ITGBL1: variants seen among roughly 807,000 people sequenced by gnomAD.
The protein encoded by ITGBL1 is integrin subunit beta like 1.
A neutral mutation model predicts 68.5 loss-of-function variants in ITGBL1; 51 were observed. The ratio of observed to expected loss-of-function variants is 0.74; its 90% CI spans 0.59 to 0.94. ITGBL1 has a LOEUF of 0.94. Ranked by LOEUF, ITGBL1 falls within the 40% of genes least tolerant of loss-of-function variation. The pLI, the probability that ITGBL1 is intolerant of heterozygous loss-of-function variation, is 0.00. For missense variants in ITGBL1, 649 were observed against 647.4 expected, an observed-to-expected ratio of 1.00 and a Z score of -0.03; for synonymous variants, 209 against 227.3, an observed-to-expected ratio of 0.92 and a Z score of 0.72.
intron 2 of ITGBL1, among the ~76,000 whole-genome samples, chr13:101,510,342 A>G (rs567277277): frequency 1.3e-5 from 2 of 152,182 alleles, no homozygotes; most frequent in African/African-American, 4.8e-5. Flanking sequence ...ACATGATTTC[A>G]TTCTTTTTTA....
intron 3 of ITGBL1, among the ~76,000 whole-genome samples, chr13:101,570,559 A>G (rs985307603): frequency 3.3e-5 from 5 of 152,136 alleles, no homozygotes; most frequent in Non-Finnish European, 1.5e-5. Flanking sequence ...AGCATAATAC[A>G]ATTTTTATTT....
At chr13:101,649,059 C>T (rs1274335360) in intron 7 of ITGBL1, among the ~76,000 whole-genome samples, 1 of 152,068 alleles carries the variant, frequency 6.6e-6, no homozygotes, top group Non-Finnish European at 1.5e-5. Context: ...ATGATTAACA[C>T]ACTTTTATTC....
At chr13:101,536,404 A>G (rs1461969075) in intron 2 of ITGBL1, among the ~76,000 whole-genome samples, 1 of 152,210 alleles carries the variant, frequency 6.6e-6, no homozygotes, top group Non-Finnish European at 1.5e-5. Context: ...CTAAACATAT[A>G]TAATTGTAAA....
intron 7 of ITGBL1, among the ~76,000 whole-genome samples, chr13:101,671,479 C>T (rs2033371365): frequency 8.2e-6 from 1 of 121,672 alleles, no homozygotes; most frequent in African/African-American, 2.9e-5. Flanking sequence ...CGCTCTGTCG[C>T]CCGGGCTGGA....
intron 7 of ITGBL1, among the ~76,000 whole-genome samples, chr13:101,605,081 T>G (rs538437502): frequency 3.5e-4 from 51 of 146,082 alleles, no homozygotes; most frequent in African/African-American, 1.2e-3. Context: ...TATACATATA[T>G]GCGTATATGT....
At chr13:101,518,802 C>T (rs765787277) in intron 2 of ITGBL1, among the ~76,000 whole-genome samples, 15 of 152,070 alleles carry the variant, frequency 9.9e-5, no homozygotes, top group Non-Finnish European at 1.6e-4. Flanking sequence ...CATATTAGTA[C>T]ATTGTAAACA....
intron 7 of ITGBL1, among the ~76,000 whole-genome samples, chr13:101,634,651 A>G (rs755942579): frequency 1.3e-5 from 2 of 152,148 alleles, no homozygotes; most frequent in East Asian, 1.9e-4. Flanking sequence ...GGACCTACTC[A>G]GCTAAGAGTG....
chr13:101,467,824 C>A (rs555800523), intron 2 of ITGBL1, among the ~76,000 whole-genome samples: 4 of 152,212 alleles, frequency 2.6e-5, no homozygotes, highest in South Asian at 2.1e-4. Context: ...CCTACCCACT[C>A]TAGTTTCCTG....
At chr13:101,705,934 G>C (rs1594996695) in intron 8 of ITGBL1, among the ~76,000 whole-genome samples, 1 of 152,262 alleles carries the variant, frequency 6.6e-6, no homozygotes, top group East Asian at 1.9e-4. Context: ...GCAAATAGTT[G>C]ATTCAGAGAG....
chr13:101,681,470 C>G (rs2033639459), intron 7 of ITGBL1, among the ~76,000 whole-genome samples: 1 of 152,108 alleles, frequency 6.6e-6, no homozygotes, highest in Admixed American at 6.6e-5. Context: ...GTACTTGGTC[C>G]TGAATAAATA....
intron 7 of ITGBL1, among the ~76,000 whole-genome samples, chr13:101,660,573 G>T (rs985646544): frequency 4.6e-5 from 7 of 152,142 alleles, no homozygotes; most frequent in Non-Finnish European, 7.3e-5. Flanking sequence ...GCAGAATTCA[G>T]GTCCCTCTCA....
chr13:101,604,188 T>C (rs1459709047), intron 7 of ITGBL1, among the ~76,000 whole-genome samples: 2 of 151,908 alleles, frequency 1.3e-5, no homozygotes, highest in Admixed American at 1.3e-4. Context: ...GGTTTTTCAT[T>C]TGTCTCTAAA....
At chr13:101,666,388 A>G (rs1392275872) in intron 7 of ITGBL1, among the ~76,000 whole-genome samples, 3 of 152,170 alleles carry the variant, frequency 2.0e-5, no homozygotes, top group Non-Finnish European at 4.4e-5. Context: ...CAAGTAGAAG[A>G]TATTGCATCC....
At chr13:101,625,369 C>T (rs1355176359) in intron 7 of ITGBL1, among the ~76,000 whole-genome samples, 2 of 152,174 alleles carry the variant, frequency 1.3e-5, no homozygotes, top group African/African-American at 2.4e-5. Context: ...TATGTCTTTG[C>T]TTTGCCAATG....
intron 2 of ITGBL1, among the ~76,000 whole-genome samples, chr13:101,498,537 T>C (rs2048891562): frequency 6.6e-6 from 1 of 152,206 alleles, no homozygotes; most frequent in Non-Finnish European, 1.5e-5. Flanking sequence ...GTAGGGTTAA[T>C]TTAGAATTCA....
chr13:101,543,057 A>C (rs1233268735), intron 2 of ITGBL1, among the ~76,000 whole-genome samples: 2 of 152,140 alleles, frequency 1.3e-5, no homozygotes, highest in Non-Finnish European at 2.9e-5. Context: ...GCCTATTTAC[A>C]TTTAAGGTTA....
chr13:101,573,577 C>G (rs1164029220), intron 3 of ITGBL1, among the ~76,000 whole-genome samples: 1 of 152,096 alleles, frequency 6.6e-6, no homozygotes, highest in Non-Finnish European at 1.5e-5. Flanking sequence ...CTACTATGTA[C>G]TAGGTGCAGC....
chr13:101,665,955 T>A (rs2033205377), intron 7 of ITGBL1, among the ~76,000 whole-genome samples: 1 of 152,160 alleles, frequency 6.6e-6, no homozygotes, highest in Non-Finnish European at 1.5e-5. Context: ...TTGTTATTGA[T>A]CCTTGTAGCC....
intron 7 of ITGBL1, among the ~76,000 whole-genome samples, chr13:101,620,728 G>A (rs923927790): frequency 2.6e-5 from 4 of 152,162 alleles, no homozygotes; most frequent in Non-Finnish European, 5.9e-5. Context: ...TAGAAGGAGA[G>A]TCAGTCATCT....
Sources: gnomAD v4.1 joint callset for allele counts (sites outside exome capture counted in the v4.1 genomes callset) on GRCh38, gnomAD v4.1.1 for gene constraint, MANE v1.5 for transcripts, NCBI Gene and HGNC (gene_info 2026-07-23, HGNC 2026-07-21) for gene names.